TSPAN18: variants seen among roughly 807,000 people sequenced by gnomAD.
The protein encoded by TSPAN18 is tetraspanin-18.
In TSPAN18, 14 loss-of-function variants were observed where a neutral mutation model predicts 27.3. That is an observed-to-expected ratio of 0.51 (90% CI 0.34 to 0.80). TSPAN18 has a LOEUF of 0.80. Among genes scored for constraint, TSPAN18 ranks in the 30% least tolerant of loss-of-function variants. The pLI, the probability that TSPAN18 is intolerant of heterozygous loss-of-function variation, is 0.01. For missense variants in TSPAN18, 268 were observed against 323.9 expected (o/e 0.83, Z 1.32); for synonymous variants, 143 against 136.5 (o/e 1.05, Z -0.33).
rs546017547 is a variant in TSPAN18 at position 44,886,146 on chromosome 11, T to A, written c.-10-20261T>A. 1.2e-4 allele frequency: 18 copies of A among 152,330 alleles called. No homozygotes were observed. The East Asian group carries it at 3.5e-3, about 29-fold the overall frequency. The allele number at this position is 152,330 out of a possible 1,614,324, so 9.4% of individuals were successfully genotyped here. On this transcript the variant is annotated intron_variant, in intron 3 of 9. Transcript: ENST00000520358. Reference sequence around the variant, plus strand: ...CCGGAAGACACCTGTTGCCTCTGGATCTGGAAGCTTCTGGGAGCTTCAGGC... The same window carrying A: ...CCGGAAGACACCTGTTGCCTCTGGAACTGGAAGCTTCTGGGAGCTTCAGGC...
At chr11:44,743,188 C>A (rs376479129) in intron 1 of TSPAN18, among the ~76,000 whole-genome samples, 1 of 152,132 alleles carries the variant, frequency 6.6e-6, no homozygotes, top group African/African-American at 2.4e-5. Context: ...TGGGCACATA[C>A]GAATGCACTC....
At chr11:44,783,783 A>G (rs1331775496) in intron 2 of TSPAN18, among the ~76,000 whole-genome samples, 14 of 152,038 alleles carry the variant, frequency 9.2e-5, no homozygotes, top group Admixed American at 4.6e-4. Context: ...CTGCCCATCA[A>G]TGTCTGTGCC....
chr11:44,771,546 A>G (rs749478780), intron 2 of TSPAN18, among the ~76,000 whole-genome samples: 30 of 152,206 alleles, frequency 2.0e-4, no homozygotes, highest in Admixed American at 2.0e-3. Flanking sequence ...GCTTTTCCAG[A>G]GAAACAACTG....
intron 2 of TSPAN18, among the ~76,000 whole-genome samples, chr11:44,843,467 G>A (rs955616651): frequency 1.6e-4 from 25 of 152,206 alleles, no homozygotes; most frequent in Non-Finnish European, 3.2e-4. Context: ...CAGGAATGAG[G>A]CGAAATTAAA....
chr11:44,914,811 G>GTTA (rs1859846233), intron 5 of TSPAN18, among the ~76,000 whole-genome samples: 1 of 152,224 alleles, frequency 6.6e-6, no homozygotes, highest in Non-Finnish European at 1.5e-5. Context: ...AAGATCCGCA[G>GTTA]TGTCTGGGTA....
At chr11:44,822,115 T>C (rs1238929688) in intron 2 of TSPAN18, among the ~76,000 whole-genome samples, 1 of 152,072 alleles carries the variant, frequency 6.6e-6, no homozygotes, top group Non-Finnish European at 1.5e-5. Flanking sequence ...GGTACAGGGA[T>C]AGGGACATTA....
At chr11:44,850,372 C>A (rs1857572598) in intron 2 of TSPAN18, among the ~76,000 whole-genome samples, 1 of 152,062 alleles carries the variant, frequency 6.6e-6, no homozygotes, top group Non-Finnish European at 1.5e-5. Context: ...CAGGAAAGTT[C>A]TCCTTTAGGG....
rs1590671474 is a variant in TSPAN18, at chr11:44,908,831, A to AAAGAAAGAAAGAAAGAAAG, written c.64-873_64-872insAGAAAGAAAGAAAGAAAGA. 1.5e-3 allele frequency among the ~76,000 whole-genome samples: 141 copies of AAAGAAAGAAAGAAAGAAAG among 96,236 alleles called. 27 individuals carry two copies. The highest frequency in any genetic ancestry group is 3.5e-3 in the African/African-American group (84 of 23,804). 63.1% of individuals were successfully genotyped at this position (96,236 alleles called of 152,430 possible). A position where few individuals can be genotyped will look rare whatever the true frequency, so the allele number is the denominator to read the frequency against. On this transcript the variant is annotated intron_variant, in intron 4 of 9. Coordinates refer to ENST00000520358, the MANE Select transcript of TSPAN18 (RefSeq NM_130783.5). ...AGAAAGAAAGAAAGAAAGAAAGAAA[A>AAAGAAAGAAAGAAAGAAAG]AGAAAAATGGAGCAGATATTTATTG...
At chr11:44,742,639 G>A (rs778172279) in intron 1 of TSPAN18, among the ~76,000 whole-genome samples, 1 of 152,096 alleles carries the variant, frequency 6.6e-6, no homozygotes, top group Non-Finnish European at 1.5e-5. Flanking sequence ...CTTGTCTCGG[G>A]CCTGCTCTGT....
At chr11:44,788,917 G>A (rs1017608044) in intron 2 of TSPAN18, among the ~76,000 whole-genome samples, 1 of 152,196 alleles carries the variant, frequency 6.6e-6, no homozygotes, top group Non-Finnish European at 1.5e-5. Context: ...CAAGTGACTG[G>A]AAGAATCCAC....
At chr11:44,743,388 C>T (rs1184305754) in intron 1 of TSPAN18, among the ~76,000 whole-genome samples, 2 of 152,138 alleles carry the variant, frequency 1.3e-5, no homozygotes, top group African/African-American at 4.8e-5. Context: ...TGGTTAGAGC[C>T]GAGGCCTAGG....
chr11:44,856,918 C>T (rs939960914), intron 2 of TSPAN18, among the ~76,000 whole-genome samples: 1 of 148,642 alleles, frequency 6.7e-6, no homozygotes, highest in East Asian at 2.1e-4. Flanking sequence ...AAACTGTTTT[C>T]CTCTCTTCTT....
Position 44,929,364 on chromosome 11 carries a change from G to A in TSPAN18, c.*186G>A, listed in dbSNP as rs1860486453. On this transcript the variant is annotated 3_prime_UTR_variant, in exon 10 of 10. Transcript: ENST00000520358. ...CAAAACAAAATGAAGACAAAAATATGGACTGATGTATCCTCGCCTGGACTC... is the reference window on the plus strand; with the variant it reads ...CAAAACAAAATGAAGACAAAAATATAGACTGATGTATCCTCGCCTGGACTC... 2 of 708,004 alleles carry A rather than the reference G, an allele frequency of 2.8e-6. No homozygotes were observed. Among genetic ancestry groups the A allele is most frequent in the Middle Eastern group, 4.0e-4 (1 of 2,526 alleles). 43.9% of individuals were successfully genotyped at this position (708,004 alleles called of 1,614,324 possible).
At chr11:44,927,856 G>C (rs890473135) in intron 9 of TSPAN18, among the ~76,000 whole-genome samples, 4 of 152,118 alleles carry the variant, frequency 2.6e-5, no homozygotes, top group Non-Finnish European at 5.9e-5. Flanking sequence ...TGATCACCCT[G>C]CTCCCAGGGC....
rs748475836 is a variant in TSPAN18, at chr11:44,882,587, G to GACAC, written c.-11+22156_-11+22159dup. On this transcript the variant is annotated intron_variant, in intron 3 of 9. Coordinates refer to ENST00000520358, the MANE Select transcript of TSPAN18 (RefSeq NM_130783.5). Reference sequence around the variant, plus strand: ...TCACCAGGAAATGGTCAGAGAGAGAGACACACACACACACACACACACACA... The same window carrying GACAC: ...TCACCAGGAAATGGTCAGAGAGAGAGACACACACACACACACACACACACACACA... Among the ~76,000 whole-genome samples, 363 of 130,838 alleles carry GACAC rather than the reference G, an allele frequency of 2.8e-3. 2 individuals carry two copies. Among genetic ancestry groups the GACAC allele is most frequent in the East Asian group, 0.022 (90 of 4,184 alleles). The allele number at this position is 130,838 out of a possible 152,430, so 85.8% of individuals were successfully genotyped here.
intron 3 of TSPAN18, among the ~76,000 whole-genome samples, chr11:44,874,015 G>A (rs1858263392): frequency 6.6e-6 from 1 of 152,198 alleles, no homozygotes; most frequent in African/African-American, 2.4e-5. Flanking sequence ...AGCACCCGCA[G>A]CCTGGGAATG....
chr11:44,760,283 G>A (rs905022521), intron 1 of TSPAN18, among the ~76,000 whole-genome samples: 19 of 152,222 alleles, frequency 1.2e-4, no homozygotes, highest in Non-Finnish European at 1.5e-5. Context: ...AAGGCTGCAG[G>A]CTGGCAGACC....
chr11:44,800,166 C>T (rs574739829), intron 2 of TSPAN18, among the ~76,000 whole-genome samples: 45 of 152,150 alleles, frequency 3.0e-4, no homozygotes, highest in African/African-American at 8.7e-4. Context: ...CTGGCAAGTA[C>T]TTATTGAGCC....
At chr11:44,807,130 G>T (rs1341840716) in intron 2 of TSPAN18, among the ~76,000 whole-genome samples, 2 of 143,046 alleles carry the variant, frequency 1.4e-5, no homozygotes, top group Admixed American at 7.3e-5. Context: ...GACCAAAGTG[G>T]GAGGATCACT....
Sources: gnomAD v4.1 joint callset for allele counts (sites outside exome capture counted in the v4.1 genomes callset) on GRCh38, gnomAD v4.1.1 for gene constraint, MANE v1.5 for transcripts, NCBI Gene and HGNC (gene_info 2026-07-23, HGNC 2026-07-21) for gene names.